The following CLASP1 variants were observed in gnomAD, a reference collection of about 807,000 sequenced individuals.
The protein encoded by CLASP1 is cytoplasmic linker associated protein 1.
CLASP1 carries 38 observed loss-of-function variants against 192.3 expected under a neutral mutation model. That is an observed-to-expected ratio of 0.20 (90% CI 0.15 to 0.26). The LOEUF (loss-of-function observed/expected upper bound fraction) is 0.26, where lower values mean the gene tolerates loss of function less well. Ranked by LOEUF, CLASP1 falls within the 10% of genes least tolerant of loss-of-function variation. CLASP1 has a pLI of 1.00. For missense variants in CLASP1, 1,433 were observed against 1,932.5 expected (o/e 0.74, Z 4.85); for synonymous variants, 691 against 712.8 (o/e 0.97, Z 0.49).
intron 32 of CLASP1, among the ~76,000 whole-genome samples, chr2:121,385,825 T>G (rs1449604728): frequency 6.6e-6 from 1 of 152,252 alleles, no homozygotes; most frequent in Non-Finnish European, 1.5e-5. Flanking sequence ...TTTATGATTT[T>G]ACTGTCACCA....
rs1559366649 is a variant in CLASP1, at chr2:121,478,754, CA to C, written c.713-8795del. On this transcript the variant is annotated intron_variant, in intron 8 of 39. Transcript: ENST00000263710. ...CCACACACACACCCCACACACACCA[CA>C]CACACACCACACACCCCACACACAC... is the stretch of plus-strand genomic sequence containing the variant. 2.6e-3 allele frequency among the ~76,000 whole-genome samples: 203 copies of C among 79,358 alleles called. 4 individuals carry two copies. The highest frequency in any genetic ancestry group is 0.013 in the African/African-American group (200 of 15,524). The allele number at this position is 79,358 out of a possible 152,430, so 52.1% of individuals were successfully genotyped here. A position where few individuals can be genotyped will look rare whatever the true frequency, so the allele number is the denominator to read the frequency against.
intron 16 of CLASP1, among the ~76,000 whole-genome samples, chr2:121,450,217 G>T (rs1033239259): frequency 6.6e-6 from 1 of 152,072 alleles, no homozygotes; most frequent in African/African-American, 2.4e-5. Flanking sequence ...TGTAGTCCCA[G>T]CTACTTGGGA....
At chr2:121,531,107 TG>T in intron 2 of CLASP1, 1 of 642,350 alleles carries the variant, frequency 1.6e-6, no homozygotes, top group Non-Finnish European at 2.9e-6. Context: ...ACAAGACGCG[TG>T]GTTTTAGTGT....
At chr2:121,541,383 A>G (rs188746587) in intron 2 of CLASP1, among the ~76,000 whole-genome samples, 1 of 152,304 alleles carries the variant, frequency 6.6e-6, no homozygotes, top group Admixed American at 6.5e-5. Context: ...GATATAGAAT[A>G]TATTATCCTT....
chr2:121,518,979 A>T (rs2094395012), intron 6 of CLASP1, among the ~76,000 whole-genome samples: 1 of 152,268 alleles, frequency 6.6e-6, no homozygotes, highest in Non-Finnish European at 1.5e-5. Context: ...GTTTCTAGGG[A>T]TAACATCTGC....
intron 32 of CLASP1, among the ~76,000 whole-genome samples, chr2:121,384,079 T>C (rs538784335): frequency 2.1e-4 from 28 of 134,908 alleles, no homozygotes; most frequent in South Asian, 1.2e-3. Context: ...CACACACACA[T>C]ATATATGTAT....
intron 2 of CLASP1, among the ~76,000 whole-genome samples, chr2:121,534,333 C>A (rs1387533511): frequency 6.6e-6 from 1 of 152,162 alleles, no homozygotes; most frequent in Non-Finnish European, 1.5e-5. Flanking sequence ...AATAAAACAG[C>A]CTTCACAGGG....
chr2:121,544,687 AAC>A (rs1410296164), intron 2 of CLASP1, among the ~76,000 whole-genome samples: 4 of 152,204 alleles, frequency 2.6e-5, no homozygotes, highest in Admixed American at 2.0e-4. Flanking sequence ...GGAGTTACTA[AAC>A]ACACACGTAC....
At chr2:121,489,554 T>C (rs527404921) in intron 8 of CLASP1, among the ~76,000 whole-genome samples, 7 of 152,168 alleles carry the variant, frequency 4.6e-5, no homozygotes, top group Admixed American at 2.0e-4. Flanking sequence ...GCAAAACCAC[T>C]AGGAAAGCAA....
exon 30 of CLASP1, chr2:121,397,255 T>A: frequency 6.2e-7 from 1 of 1,613,884 alleles, no homozygotes. Flanking sequence ...GGCCAGAGAC[T>A]CAATGTATTT....
intron 8 of CLASP1, among the ~76,000 whole-genome samples, chr2:121,498,529 G>A (rs1250458703): frequency 6.6e-6 from 1 of 151,916 alleles, no homozygotes; most frequent in African/African-American, 2.4e-5. Flanking sequence ...TAGTTTCTTA[G>A]GTATGACAAA....
intron 31 of CLASP1, among the ~76,000 whole-genome samples, 160 bp from the exon 33 acceptor site, chr2:121,387,388 A>G (rs2073462197): frequency 6.6e-6 from 1 of 152,028 alleles, no homozygotes; most frequent in Admixed American, 6.6e-5. Flanking sequence ...TTAAGTGTAT[A>G]TAAACCAAAA....
intron 7 of CLASP1, among the ~76,000 whole-genome samples, chr2:121,504,355 C>G (rs760746465): frequency 6.6e-6 from 1 of 152,194 alleles, no homozygotes; most frequent in South Asian, 2.1e-4. Flanking sequence ...TTTTAACACA[C>G]CATCCTATCC....
chr2:121,525,978 C>T lies in CLASP1; in HGVS notation c.471-58G>A, dbSNP rs10188816. On this transcript the variant is annotated intron_variant, in intron 5 of 39. Transcript: ENST00000263710. ...AGAACTGAGGAAAGAAAGAAAGATG[C>T]CTGTCTGCCCACACCTGCCCTTCCC... The T allele has an allele frequency of 2.2e-3, 2,745 of 1,272,002 alleles. 44 individuals are homozygous for T. In the African/African-American group the frequency reaches 0.033, roughly 15 times the overall value. The allele number at this position is 1,272,002 out of a possible 1,614,324, so 78.8% of individuals were successfully genotyped here. A position where few individuals can be genotyped will look rare whatever the true frequency, so the allele number is the denominator to read the frequency against.
At chr2:121,404,251 G>A (rs2076573259) in intron 26 of CLASP1, 120 bp downstream of exon 27, 1 of 1,469,990 alleles carries the variant, frequency 6.8e-7, no homozygotes, top group Non-Finnish European at 9.0e-7. Flanking sequence ...TGAAACCGGT[G>A]TGACTCTGTA....
intron 1 of CLASP1, among the ~76,000 whole-genome samples, chr2:121,638,336 A>G (rs2071303248): frequency 6.6e-6 from 1 of 152,194 alleles, no homozygotes; most frequent in Non-Finnish European, 1.5e-5. Context: ...TGTGTTGGTG[A>G]GAATGTGGAG....
intron 1 of CLASP1, among the ~76,000 whole-genome samples, chr2:121,625,723 C>T (rs551773835): frequency 2.6e-5 from 4 of 151,838 alleles, no homozygotes; most frequent in East Asian, 3.9e-4. Context: ...CATGAGCCAC[C>T]GCGCCCAGCC....
At chr2:121,615,519 G>A (rs1255082905) in intron 1 of CLASP1, among the ~76,000 whole-genome samples, 3 of 151,862 alleles carry the variant, frequency 2.0e-5, no homozygotes, top group Non-Finnish European at 4.4e-5. Flanking sequence ...AAAACAGGTC[G>A]GGTGCGGTGG....
intron 8 of CLASP1, among the ~76,000 whole-genome samples, chr2:121,477,054 G>C (rs999702993): frequency 2.6e-5 from 4 of 152,134 alleles, no homozygotes; most frequent in African/African-American, 9.7e-5. Flanking sequence ...GATCCTGCCC[G>C]GCTCTAACTT....
Sources: allele counts gnomAD v4.1 joint callset (sites outside exome capture counted in the v4.1 genomes callset), GRCh38; gene constraint gnomAD v4.1.1; transcripts MANE v1.5; gene names NCBI Gene and HGNC (gene_info 2026-07-23, HGNC 2026-07-21).